Variants in HHIP observed in about 807,000 individuals in gnomAD.
HHIP encodes hedgehog-interacting protein.
In HHIP, 12 loss-of-function variants were observed where a neutral mutation model predicts 74.0. The ratio of observed to expected loss-of-function variants is 0.16; its 90% confidence interval spans 0.10 to 0.26. The LOEUF is 0.26. Among genes scored for constraint, HHIP ranks in the 10% least tolerant of loss-of-function variants. The pLI is 1.00. For missense variants in HHIP, 788 were observed against 845.0 expected (o/e 0.93, Z 0.84); for synonymous variants, 309 against 311.6 (o/e 0.99, Z 0.09).
At chr4:144,722,174 G>C (rs6855202) in intron 11 of HHIP, among the ~76,000 whole-genome samples, 87,780 of 151,918 alleles carry the variant, frequency 0.58, 25,629 homozygotes, top group South Asian at 0.76. Flanking sequence ...ATGAACTGAG[G>C]ACAAAATCTT....
rs1731280877 is a variant in HHIP, at chr4:144,742,335, T to C, written c.*4378T>C. On this transcript the variant is annotated 3_prime_UTR_variant, in exon 13 of 13. Transcript: ENST00000296575. ...CAAATGACATACTAGGCTGATCTAT[T>C]ACAATCATTGAAAGAAATAAGGAAG... 6.6e-6 allele frequency: 1 copy of C among 152,152 alleles called. No homozygotes were observed. The highest frequency in any genetic ancestry group is 1.5e-5 in the Non-Finnish European group (1 of 68,018). 9.4% of individuals were successfully genotyped at this position (152,152 alleles called of 1,614,324 possible). A position where few individuals can be genotyped will look rare whatever the true frequency, so the allele number is the denominator to read the frequency against.
Position 144,740,622 on chromosome 4 carries a change from T to C in HHIP, c.*2665T>C, listed in dbSNP as rs1391888846. 1 of 152,216 alleles carries C rather than the reference T, an allele frequency of 6.6e-6. No individual in the cohort carries two copies. The highest frequency in any genetic ancestry group is 1.9e-4 in the East Asian group (1 of 5,200). The allele number at this position is 152,216 out of a possible 1,614,324, so 9.4% of individuals were successfully genotyped here. A position where few individuals can be genotyped will look rare whatever the true frequency, so the allele number is the denominator to read the frequency against. On this transcript the variant is annotated 3_prime_UTR_variant, in exon 13 of 13. Coordinates refer to ENST00000296575, the MANE Select transcript of HHIP (RefSeq NM_022475.3). ...ACCTTTTCTTTCAAGTAGATTTTTT[T>C]AAATGCATGACTGGAGAATTATCTT...
At chr4:144,714,125 A>C (rs550514514) in intron 8 of HHIP, 100 bp from the exon 9 acceptor site, 1 of 1,036,662 alleles carries the variant, frequency 9.6e-7, no homozygotes, top group African/African-American at 1.6e-5. Flanking sequence ...CATAGAACAC[A>C]TTTCAGAGTT....
chr4:144,656,760 T>A (rs2126584250), intron 2 of HHIP, among the ~76,000 whole-genome samples: 1 of 152,324 alleles, frequency 6.6e-6, no homozygotes, highest in East Asian at 1.9e-4. Context: ...AAACAAGATC[T>A]AGCCCAAAAC....
intron 11 of HHIP, among the ~76,000 whole-genome samples, chr4:144,722,964 T>A (rs139415975): frequency 1.3e-5 from 2 of 152,350 alleles, no homozygotes; most frequent in African/African-American, 4.8e-5. Context: ...AATTAAAGAA[T>A]TCTGACAAAG....
intron 4 of HHIP, among the ~76,000 whole-genome samples, chr4:144,688,752 C>G (rs923377867): frequency 1.3e-5 from 2 of 152,076 alleles, no homozygotes; most frequent in African/African-American, 4.8e-5. Context: ...TGAGGAAATC[C>G]ATCATCTAAG....
intron 11 of HHIP, among the ~76,000 whole-genome samples, chr4:144,732,224 T>C (rs1261334366): frequency 6.6e-6 from 1 of 152,144 alleles, no homozygotes; most frequent in Admixed American, 6.5e-5. Flanking sequence ...TGATTTAATA[T>C]AATAAGTACA....
At chr4:144,715,107 T>C (rs1578719155) in intron 9 of HHIP, 193 bp from the exon 10 acceptor site, 2 of 478,552 alleles carry the variant, frequency 4.2e-6, no homozygotes, top group African/African-American at 3.9e-5. Flanking sequence ...CAAAATACTA[T>C]CTTTAAGTAC....
chr4:144,672,584 A>G (rs1377427824), intron 4 of HHIP, among the ~76,000 whole-genome samples: 2 of 152,188 alleles, frequency 1.3e-5, no homozygotes, highest in African/African-American at 4.8e-5. Flanking sequence ...AGGCTCTGCT[A>G]AGGTCTTTGG....
chr4:144,702,303 C>G (rs1025461885), intron 4 of HHIP, among the ~76,000 whole-genome samples: 2 of 152,152 alleles, frequency 1.3e-5, no homozygotes, highest in Admixed American at 6.5e-5. Context: ...TATCCCAAAG[C>G]TGCAACACTA....
At position 144,706,663 on chromosome 4, in the gene HHIP, G is replaced by A; in HGVS notation, c.964G>A (p.Val322Met). Reference sequence around the variant, plus strand: ...GCCTCATGACCACATTCTTAGGGTTGTGGAATACACAGTATCCAGGTATCA... The same window carrying A: ...GCCTCATGACCACATTCTTAGGGTTATGGAATACACAGTATCCAGGTATCA... Reference protein sequence around the residue: ...IGPHDHILRVVEYTVSRKNPH... With the variant: ...IGPHDHILRVMEYTVSRKNPH... Residue 322 changes from valine to methionine, a missense_variant, in exon 5 of 13, where the codon GTG (valine) becomes ATG (methionine). Physicochemically the swap from Val to Met is conservative, Grantham distance 21. Coordinates refer to ENST00000296575, the MANE Select transcript of HHIP (RefSeq NM_022475.3). 1 of 1,613,228 alleles carries A rather than the reference G, an allele frequency of 6.2e-7. No homozygotes were observed. Among genetic ancestry groups the A allele is most frequent in the Non-Finnish European group, 8.5e-7 (1 of 1,179,706 alleles).
At chr4:144,719,055 C>T in intron 11 of HHIP, 99 bp downstream of exon 11, 2 of 770,244 alleles carry the variant, frequency 2.6e-6, no homozygotes, top group South Asian at 3.1e-5. Context: ...TAGCAATCAG[C>T]CAAGATGTAC....
At chr4:144,662,714 T>C (rs1391908718) in intron 4 of HHIP, among the ~76,000 whole-genome samples, 2 of 152,252 alleles carry the variant, frequency 1.3e-5, no homozygotes, top group Admixed American at 1.3e-4. Flanking sequence ...TGTGTGCATG[T>C]GCACATGCAG....
intron 4 of HHIP, among the ~76,000 whole-genome samples, chr4:144,672,790 C>G (rs977304023): frequency 6.6e-6 from 1 of 152,144 alleles, no homozygotes; most frequent in African/African-American, 2.4e-5. Context: ...CAACCCCTGC[C>G]TCCCGGGTTC....
chr4:144,719,587 T>C (rs1280034475), intron 11 of HHIP, among the ~76,000 whole-genome samples: 1 of 152,240 alleles, frequency 6.6e-6, no homozygotes, highest in Non-Finnish European at 1.5e-5. Flanking sequence ...TTTATACATA[T>C]GTACTTCAAT....
intron 11 of HHIP, among the ~76,000 whole-genome samples, chr4:144,733,768 G>C (rs1317919662): frequency 6.6e-6 from 1 of 152,162 alleles, no homozygotes; most frequent in East Asian, 1.9e-4. Flanking sequence ...TGATAGGAAA[G>C]TGCCACTGGA....
chr4:144,655,442 C>A (rs1184779930), intron 2 of HHIP, among the ~76,000 whole-genome samples: 1 of 152,096 alleles, frequency 6.6e-6, no homozygotes, highest in Non-Finnish European at 1.5e-5. Context: ...TCCTCTGTAC[C>A]TGTAGTCATA....
chr4:144,729,168 A>G (rs180903208), intron 11 of HHIP, among the ~76,000 whole-genome samples: 99 of 152,318 alleles, frequency 6.5e-4, no homozygotes, highest in Admixed American at 3.8e-3. Flanking sequence ...CACAGATGGA[A>G]GACAGTAAAA....
Position 144,659,957 on chromosome 4 carries a change from AG to A in HHIP, c.831+124del, listed in dbSNP as rs1277691493. ...AGAAAGAATCTTGCAGGAGAAAATA[AG>A]GGGGCAACATAAGAAACAATAATTA... On this transcript the variant is annotated intron_variant, in intron 4 of 12. Transcript: ENST00000296575. The A allele has an allele frequency of 9.7e-6, 7 of 720,438 alleles. No individual in the cohort carries two copies. In the East Asian group the frequency reaches 1.6e-4, roughly 17 times the overall value. The allele number at this position is 720,438 out of a possible 1,614,324, so 44.6% of individuals were successfully genotyped here.
Sources: gnomAD v4.1 joint callset for allele counts (sites outside exome capture counted in the v4.1 genomes callset) on GRCh38, gnomAD v4.1.1 for gene constraint, MANE v1.5 for transcripts, NCBI Gene and HGNC (gene_info 2026-07-23, HGNC 2026-07-21) for gene names.